Variants in EXT1 observed in about 807,000 individuals in gnomAD.
EXT1 encodes exostosin-1.
Under a neutral mutation model 82.5 loss-of-function variants are expected in EXT1, and 20 were observed. The observed-to-expected ratio is 0.24, with a 90% CI of 0.17 to 0.35. The LOEUF (loss-of-function observed/expected upper bound fraction) is 0.35, where lower values mean the gene tolerates loss of function less well. Among genes scored for constraint, EXT1 ranks in the 10% least tolerant of loss-of-function variants. The probability of loss-of-function intolerance (pLI) is 1.00; values close to 1 mark genes in which losing one functional copy is unlikely to be tolerated. For synonymous variants in EXT1, 348 were observed against 350.8 expected (o/e 0.99, Z 0.09); for missense variants, 757 against 936.5 (o/e 0.81, Z 2.50).
rs777356297 is a variant in EXT1, at chr8:118,110,580, A to G, written c.467T>C (p.Leu156Pro). The stretch of plus-strand genomic sequence containing the variant: ...GTCTCTGTCTAAAGTATCCAGACTC[A>G]GGACAAAGAGGCACGCCTGGCTGGG... Reference protein sequence around the residue: ...SDPSQACLFVLSLDTLDRDQL... With the variant: ...SDPSQACLFVPSLDTLDRDQL... The change falls in exon 1 of 11, where the codon CTG (leucine) becomes CCG (proline). Residue 156 changes from leucine (L) to proline (P), a missense_variant. Coordinates refer to ENST00000378204, the MANE Select transcript of EXT1 (RefSeq NM_000127.3). The G allele has an allele frequency of 6.2e-7, 1 of 1,614,234 alleles. No homozygotes were observed. The highest frequency in any genetic ancestry group is 1.1e-5 in the South Asian group (1 of 91,082).
At chr8:118,073,669 GAA>G (rs1563647791) in intron 1 of EXT1, among the ~76,000 whole-genome samples, 6 of 148,868 alleles carry the variant, frequency 4.0e-5, no homozygotes, top group East Asian at 2.0e-4. Flanking sequence ...GAAGAGAAGA[GAA>G]GAGAAGAGAA....
intron 1 of EXT1, among the ~76,000 whole-genome samples, chr8:118,061,334 G>A (rs1816877130): frequency 6.6e-6 from 1 of 152,204 alleles, no homozygotes; most frequent in African/African-American, 2.4e-5. Flanking sequence ...AGCCACTTCA[G>A]TCACAGAGAG....
At chr8:117,838,839 G>A (rs1442730160) in intron 1 of EXT1, among the ~76,000 whole-genome samples, 1 of 151,822 alleles carries the variant, frequency 6.6e-6, no homozygotes, top group Non-Finnish European at 1.5e-5. Flanking sequence ...TTTTAATACA[G>A]AAAGGTCGAA....
At chr8:118,006,275 T>C (rs555578816) in intron 1 of EXT1, among the ~76,000 whole-genome samples, 1 of 152,332 alleles carries the variant, frequency 6.6e-6, no homozygotes, top group Admixed American at 6.5e-5. Flanking sequence ...TGGGGGTCCC[T>C]CCACCTTTCC....
intron 1 of EXT1, among the ~76,000 whole-genome samples, chr8:117,857,900 T>C (rs17450661): frequency 0.059 from 9,001 of 152,190 alleles, 270 homozygotes; most frequent in East Asian, 0.12. Flanking sequence ...AATATCAACA[T>C]TAACAGGAGT....
chr8:117,833,872 G>T (rs996926532), intron 3 of EXT1, among the ~76,000 whole-genome samples: 3 of 152,110 alleles, frequency 2.0e-5, no homozygotes, highest in African/African-American at 7.2e-5. Context: ...CTCTTGTTTG[G>T]CTTTTCATGA....
chr8:118,008,499 G>A (rs1310861124), intron 1 of EXT1, among the ~76,000 whole-genome samples: 5 of 152,014 alleles, frequency 3.3e-5, no homozygotes, highest in Non-Finnish European at 4.4e-5. Flanking sequence ...TGATCCACCC[G>A]CCTCAGCCTC....
chr8:117,867,467 A>C (rs1812794833), intron 1 of EXT1, among the ~76,000 whole-genome samples: 1 of 152,110 alleles, frequency 6.6e-6, no homozygotes, highest in Non-Finnish European at 1.5e-5. Context: ...TGGATTTTCA[A>C]GGTGGTTTGT....
At chr8:117,949,768 T>G (rs1487158925) in intron 1 of EXT1, among the ~76,000 whole-genome samples, 1 of 152,166 alleles carries the variant, frequency 6.6e-6, no homozygotes, top group Non-Finnish European at 1.5e-5. Flanking sequence ...GAATCATTCT[T>G]GAGGATCTGC....
At chr8:117,831,340 T>C (rs1812095898) in intron 3 of EXT1, among the ~76,000 whole-genome samples, 1 of 152,228 alleles carries the variant, frequency 6.6e-6, no homozygotes, top group Admixed American at 6.5e-5. Flanking sequence ...GCCTAAAACA[T>C]GGAAAACTTA....
chr8:117,831,416 A>G (rs1812096641), intron 3 of EXT1, among the ~76,000 whole-genome samples: 1 of 152,212 alleles, frequency 6.6e-6, no homozygotes, highest in African/African-American at 2.4e-5. Context: ...AGCTGGATCA[A>G]TTGCTTAATG....
At chr8:117,982,381 T>C (rs1382764769) in intron 1 of EXT1, among the ~76,000 whole-genome samples, 2 of 152,222 alleles carry the variant, frequency 1.3e-5, no homozygotes, top group Non-Finnish European at 2.9e-5. Context: ...ATGGACTGAC[T>C]CTTTAGCTGG....
intron 1 of EXT1, among the ~76,000 whole-genome samples, chr8:118,075,994 T>C (rs1817201886): frequency 1.3e-5 from 2 of 152,104 alleles, no homozygotes; most frequent in South Asian, 4.2e-4. Context: ...TATCATATGA[T>C]AAAGAGAAAA....
rs371817652 is a variant in EXT1, at chr8:118,110,847, G to T, written c.200C>A (p.Pro67His). 17 of 1,612,372 alleles carry T rather than the reference G, an allele frequency of 1.1e-5. No homozygotes were observed. Among genetic ancestry groups the T allele is most frequent in the East Asian group, 4.5e-5 (2 of 44,872 alleles). The change falls in exon 1 of 11, where the codon CCT (proline) becomes CAT (histidine). Residue 67 changes from proline (P) to histidine (H), a missense_variant. Pro to His is a moderately conservative substitution (Grantham distance 77, BLOSUM62 -2). This residue lies in a region of EXT1 where 175 missense variants were observed against 159.0 expected (regional missense o/e 1.10). Transcript: ENST00000378204. ...RFPDALRPFV[P>H]WDQLENEDSS... is the part of the protein sequence containing the mutation. ...ATCCTCGTTTTCCAATTGATCCCAA[G>T]GAACGAAGGGGCGCAGAGCGTCCGG...
At chr8:117,978,901 G>A (rs1161310369) in intron 1 of EXT1, among the ~76,000 whole-genome samples, 1 of 152,150 alleles carries the variant, frequency 6.6e-6, no homozygotes, top group African/African-American at 2.4e-5. Flanking sequence ...GGTAGGATGG[G>A]TATTGTTATT....
At chr8:117,903,516 TTAAAA>T (rs1813488006) in intron 1 of EXT1, among the ~76,000 whole-genome samples, 2 of 152,330 alleles carry the variant, frequency 1.3e-5, no homozygotes, top group South Asian at 4.1e-4. Context: ...GAATCAACTC[TTAAAA>T]TAAAACACAC....
At chr8:118,086,335 A>C (rs548412559) in intron 1 of EXT1, among the ~76,000 whole-genome samples, 2 of 152,288 alleles carry the variant, frequency 1.3e-5, no homozygotes, top group South Asian at 4.1e-4. Context: ...GTACAGAAAT[A>C]ATCCATCCTG....
chr8:117,971,537 A>G (rs1321355884), intron 1 of EXT1, among the ~76,000 whole-genome samples: 1 of 152,210 alleles, frequency 6.6e-6, no homozygotes, highest in Non-Finnish European at 1.5e-5. Flanking sequence ...GTCAAAAGAC[A>G]TTACTCTTTG....
At chr8:118,027,630 A>G (rs533403557) in intron 1 of EXT1, among the ~76,000 whole-genome samples, 1 of 152,090 alleles carries the variant, frequency 6.6e-6, no homozygotes, top group Non-Finnish European at 1.5e-5. Context: ...TTTCTTGCAC[A>G]CCCTCTTAGC....
Sources: gnomAD v4.1 joint callset for allele counts (sites outside exome capture counted in the v4.1 genomes callset) on GRCh38, gnomAD v4.1.1 for gene constraint, gnomAD v4.1.1 regional missense constraint, MANE v1.5 for transcripts, NCBI Gene and HGNC (gene_info 2026-07-23, HGNC 2026-07-21) for gene names.